Variants in CRYBB3 observed in about 807,000 individuals in gnomAD.
The protein encoded by CRYBB3 is crystallin beta B3.
In CRYBB3, 35 loss-of-function variants were observed where a neutral mutation model predicts 28.3. The observed-to-expected ratio is 1.24, with a 90% CI of 0.95 to 1.64. The LOEUF (loss-of-function observed/expected upper bound fraction) is 1.64. Among genes scored for constraint, CRYBB3 ranks in the 40% most tolerant of loss-of-function variants. The probability of loss-of-function intolerance (pLI) is 0.00; values close to 1 mark genes in which losing one functional copy is unlikely to be tolerated. For missense variants in CRYBB3, 296 were observed against 297.4 expected, an observed-to-expected ratio of 1.00 and a Z score of 0.04; for synonymous variants, 106 against 110.4, an observed-to-expected ratio of 0.96 and a Z score of 0.25.
At chr22:25,200,938 G>C (rs937169899) in intron 1 of CRYBB3, among the ~76,000 whole-genome samples, 4 of 152,190 alleles carry the variant, frequency 2.6e-5, no homozygotes, top group African/African-American at 2.4e-5. Context: ...AGAGTTCCTG[G>C]AGTACGGAGG....
chr22:25,200,530 C>T (rs1246303359), intron 1 of CRYBB3, among the ~76,000 whole-genome samples: 1 of 152,050 alleles, frequency 6.6e-6, no homozygotes, highest in South Asian at 2.1e-4. Flanking sequence ...GAAACTTTTG[C>T]GAGTGTGTGC....
At chr22:25,206,920 G>A (rs1252338657) in intron 5 of CRYBB3, 127 bp from the exon 6 acceptor site, 2 of 787,866 alleles carry the variant, frequency 2.5e-6, no homozygotes, top group East Asian at 2.4e-5. Context: ...AAAGAGTTTG[G>A]ATTCATCCCA....
At position 25,203,791 on chromosome 22, in the gene CRYBB3, C is replaced by T. The variant is rs141617094; in HGVS notation, c.223C>T (p.Arg75Cys). The T allele has an allele frequency of 2.0e-5, 32 of 1,614,068 alleles. No homozygotes were observed. In the African/African-American group the frequency reaches 3.1e-4, roughly 15 times the overall value. ...PWLAFESRAF[R>C]GEQFVLEKGD... ...GCTGGCATTTGAGTCCAGGGCCTTC[C>T]GCGGGGAGCAGTTTGTTCTGGAGAA... The change falls in exon 4 of 6, where the codon CGC (arginine) becomes TGC (cysteine). Residue 75 changes from arginine (R) to cysteine (C), a missense_variant. Physicochemically the swap from Arg to Cys is radical, Grantham distance 180 (BLOSUM62 -3). Transcript: ENST00000215855.
intron 5 of CRYBB3, among the ~76,000 whole-genome samples, chr22:25,205,705 C>G (rs1047674013): frequency 6.6e-6 from 1 of 151,890 alleles, no homozygotes; most frequent in South Asian, 2.1e-4. Flanking sequence ...ATGATCTGCC[C>G]GCCTCGGCCT....
intron 5 of CRYBB3, among the ~76,000 whole-genome samples, chr22:25,206,309 C>T (rs1485983604): frequency 4.6e-5 from 7 of 152,204 alleles, no homozygotes; most frequent in East Asian, 1.9e-4. Flanking sequence ...TTTGGGAGGC[C>T]GAAGTGGGCG....
At position 25,203,752 on chromosome 22, in the gene CRYBB3, TCCTC is replaced by T. The variant is rs778411611; in HGVS notation, c.195-6_195-3del. 1.2e-6 allele frequency: 2 copies of T among 1,614,106 alleles called. No homozygotes were observed. On this transcript the variant is annotated splice_region_variant and splice_polypyrimidine_tract_variant and intron_variant, in intron 3 of 5. Transcript: ENST00000215855. ...GCAAAGGTGACCCAGCCAAGCCTCTTCCTCCCTCAGGTGGCTGGCATTTGAGTCC... is the reference window on the plus strand; with the variant it reads ...GCAAAGGTGACCCAGCCAAGCCTCTTCCTCAGGTGGCTGGCATTTGAGTCC...
intron 3 of CRYBB3, 63 bp downstream of exon 3, chr22:25,202,855 C>A (rs1934972679): frequency 6.2e-7 from 1 of 1,601,264 alleles, no homozygotes; most frequent in Non-Finnish European, 8.5e-7. Context: ...GTGGAGGCCC[C>A]AGTCTGAGCT....
chr22:25,205,748 G>C (rs1001574200), intron 5 of CRYBB3, among the ~76,000 whole-genome samples: 1 of 151,966 alleles, frequency 6.6e-6, no homozygotes, highest in Non-Finnish European at 1.5e-5. Flanking sequence ...TGTGAGCCAC[G>C]GCGCCCGGCC....
intron 1 of CRYBB3, 90 bp from the exon 2 acceptor site, chr22:25,201,287 A>C (rs779523616): frequency 4.5e-5 from 71 of 1,587,522 alleles, no homozygotes; most frequent in Non-Finnish European, 5.9e-5. Context: ...CATGGGCAGC[A>C]AGGCTCTGTA....
intron 5 of CRYBB3, among the ~76,000 whole-genome samples, chr22:25,205,605 G>A (rs1398814192): frequency 3.3e-5 from 5 of 152,012 alleles, no homozygotes; most frequent in African/African-American, 9.6e-5. Flanking sequence ...GACTACAGGC[G>A]CCCACGACCA....
At chr22:25,200,885 G>T (rs1038965999) in intron 1 of CRYBB3, among the ~76,000 whole-genome samples, 9 of 152,186 alleles carry the variant, frequency 5.9e-5, no homozygotes, top group African/African-American at 2.2e-4. Context: ...CACTGTGTAG[G>T]TGCTCATGGA....
At position 25,207,246 on chromosome 22, in the gene CRYBB3, C is replaced by G. The variant is rs1327434111; in HGVS notation, c.*34C>G. 4 of 1,594,892 alleles carry G rather than the reference C, an allele frequency of 2.5e-6. No homozygotes were observed. Among genetic ancestry groups the G allele is most frequent in the East Asian group, 2.2e-5 (1 of 44,482 alleles). ...CAGACTTCAAGGACCCAGACCCACCCTGGGGGGCTGCAAGGGCAAGAAGAG... is the reference window on the plus strand; with the variant it reads ...CAGACTTCAAGGACCCAGACCCACCGTGGGGGGCTGCAAGGGCAAGAAGAG... On this transcript the variant is annotated 3_prime_UTR_variant, in exon 6 of 6. Coordinates refer to ENST00000215855, the MANE Select transcript of CRYBB3 (RefSeq NM_004076.5).
At chr22:25,201,265 A>G (rs1934942778) in intron 1 of CRYBB3, 112 bp from the exon 2 acceptor site, 3 of 1,563,934 alleles carry the variant, frequency 1.9e-6, no homozygotes, top group Non-Finnish European at 2.6e-6. Context: ...ATCATAAGTT[A>G]CAGCCACGCC....
chr22:25,205,968 G>C (rs1328773605), intron 5 of CRYBB3, among the ~76,000 whole-genome samples: 1 of 152,036 alleles, frequency 6.6e-6, no homozygotes, highest in Non-Finnish European at 1.5e-5. Flanking sequence ...CTTAACAAGG[G>C]GCCCAGGATG....
At chr22:25,203,928 C>T in intron 4 of CRYBB3, 33 bp downstream of exon 4, 1 of 1,613,846 alleles carries the variant, frequency 6.2e-7, no homozygotes, top group Non-Finnish European at 8.5e-7. Context: ...TCTGGGTGTT[C>T]CTGGAAGCAG....
At chr22:25,201,617 A>C in intron 2 of CRYBB3, 146 bp downstream of exon 2, 28 of 1,397,202 alleles carry the variant, frequency 2.0e-5, no homozygotes, top group Non-Finnish European at 2.4e-5. Flanking sequence ...GGGTCCTCTC[A>C]CTGCCACCCT....
intron 5 of CRYBB3, among the ~76,000 whole-genome samples, chr22:25,206,023 G>C (rs2146075866): frequency 6.6e-6 from 1 of 152,200 alleles, no homozygotes; most frequent in Non-Finnish European, 1.5e-5. Context: ...GAGGAGAGCA[G>C]GCTTATCACC....
intron 2 of CRYBB3, among the ~76,000 whole-genome samples, chr22:25,202,363 T>C (rs2146072796): frequency 6.6e-6 from 1 of 152,306 alleles, no homozygotes; most frequent in Non-Finnish European, 1.5e-5. Flanking sequence ...AACTGGGACC[T>C]CATTCCCTCA....
intron 4 of CRYBB3, 118 bp from the exon 5 acceptor site, chr22:25,205,102 A>G (rs2146074938): frequency 7.4e-7 from 1 of 1,351,520 alleles, no homozygotes; most frequent in Non-Finnish European, 1.0e-6. Context: ...CTCCTGCAGC[A>G]GGTTTGGGGG....
Sources: allele counts gnomAD v4.1 joint callset (sites outside exome capture counted in the v4.1 genomes callset), GRCh38; gene constraint gnomAD v4.1.1; transcripts MANE v1.5; gene names NCBI Gene and HGNC (gene_info 2026-07-23, HGNC 2026-07-21).